ANO4: variants seen among roughly 807,000 people sequenced by gnomAD.
The protein encoded by ANO4 is anoctamin 4.
In ANO4, 69 loss-of-function variants were observed where a neutral mutation model predicts 141.9. The observed-to-expected ratio is 0.49, with a 90% CI of 0.40 to 0.59. The LOEUF (loss-of-function observed/expected upper bound fraction) is 0.59, where lower values mean the gene tolerates loss of function less well. Ranked by LOEUF, ANO4 falls within the 20% of genes least tolerant of loss-of-function variation. The probability of loss-of-function intolerance (pLI) is 0.00; values close to 1 mark genes in which losing one functional copy is unlikely to be tolerated. For synonymous variants in ANO4, 350 were observed against 394.3 expected (o/e 0.89, Z 1.33); for missense variants, 894 against 1,162.2 (o/e 0.77, Z 3.36).
chr12:100,865,598 A>G (rs1040248664), intron 1 of ANO4, among the ~76,000 whole-genome samples: 2 of 152,232 alleles, frequency 1.3e-5, no homozygotes, highest in African/African-American at 4.8e-5. Context: ...AATCAAAAGC[A>G]CAATGAGATA....
chr12:100,792,569 T>C (rs2034082816), upstream of ANO4, among the ~76,000 whole-genome samples: 1 of 152,248 alleles, frequency 6.6e-6, no homozygotes, highest in Non-Finnish European at 1.5e-5. Context: ...TCTGTCATTT[T>C]TTTAGTAGAG....
At chr12:100,778,849 G>A (rs1052464602) in intron 3 of ANO4, among the ~76,000 whole-genome samples, 1 of 152,136 alleles carries the variant, frequency 6.6e-6, no homozygotes. Context: ...CATTAGCATC[G>A]TATTAAAGTT....
chr12:100,824,256 A>T (rs1290370114), intron 1 of ANO4, among the ~76,000 whole-genome samples: 1 of 151,986 alleles, frequency 6.6e-6, no homozygotes, highest in Non-Finnish European at 1.5e-5. Context: ...CAAGTCTCAC[A>T]CTTCTCATTT....
intron 24 of ANO4, among the ~76,000 whole-genome samples, chr12:101,116,337 G>A (rs2050849177): frequency 6.6e-6 from 1 of 152,190 alleles, no homozygotes; most frequent in South Asian, 2.1e-4. Flanking sequence ...ATGAGGAACT[G>A]TGTTTATGTG....
intron 3 of ANO4, among the ~76,000 whole-genome samples, chr12:100,757,207 G>A (rs1369103704): frequency 2.6e-5 from 4 of 152,296 alleles, no homozygotes; most frequent in Non-Finnish European, 5.9e-5. Flanking sequence ...TAAGCCTGTT[G>A]AGTCTATCTC....
chr12:100,941,957 A>ATT (rs1555257092), intron 4 of ANO4, among the ~76,000 whole-genome samples: 9 of 143,150 alleles, frequency 6.3e-5, no homozygotes, highest in Middle Eastern at 3.6e-3. Flanking sequence ...CAATGAAAAA[A>ATT]ATTATTATTA....
intron 14 of ANO4, among the ~76,000 whole-genome samples, chr12:101,070,117 A>C (rs912381624): frequency 6.6e-6 from 1 of 152,200 alleles, no homozygotes; most frequent in Non-Finnish European, 1.5e-5. Flanking sequence ...ATTCAATGCA[A>C]TCCCTATAAA....
chr12:100,899,418 C>T (rs777842069), intron 1 of ANO4, among the ~76,000 whole-genome samples: 9 of 152,240 alleles, frequency 5.9e-5, no homozygotes, highest in Admixed American at 2.6e-4. Context: ...ATAGGTTATC[C>T]GGTGAGCACT....
chr12:101,065,557 C>T (rs1319138821), intron 14 of ANO4, among the ~76,000 whole-genome samples: 1 of 152,056 alleles, frequency 6.6e-6, no homozygotes, highest in East Asian at 1.9e-4. Flanking sequence ...CAAGATTGAA[C>T]CATGAGGAAT....
chr12:100,917,865 A>T (rs1365416179), intron 2 of ANO4, among the ~76,000 whole-genome samples: 1 of 152,214 alleles, frequency 6.6e-6, no homozygotes, highest in Non-Finnish European at 1.5e-5. Flanking sequence ...TATACATTTT[A>T]AAAAATTACA....
chr12:101,049,931 A>T (rs1191707523), intron 14 of ANO4, among the ~76,000 whole-genome samples: 1 of 152,182 alleles, frequency 6.6e-6, no homozygotes. Flanking sequence ...TGGTAGGGCC[A>T]CCCAGATTCT....
chr12:101,118,216 A>C (rs2050933416), intron 25 of ANO4, among the ~76,000 whole-genome samples: 1 of 152,194 alleles, frequency 6.6e-6, no homozygotes, highest in South Asian at 2.1e-4. Context: ...ATAAAATGCC[A>C]ACTATTATTT....
At chr12:101,099,783 TA>T (rs1478832040) in intron 22 of ANO4, 63 bp downstream of exon 22, 2 of 1,344,972 alleles carry the variant, frequency 1.5e-6, no homozygotes, top group African/African-American at 3.0e-5. Flanking sequence ...TATATTCAAC[TA>T]AACATATACC....
intron 1 of ANO4, among the ~76,000 whole-genome samples, chr12:100,890,450 G>A (rs920907928): frequency 6.6e-6 from 1 of 152,194 alleles, no homozygotes; most frequent in African/African-American, 2.4e-5. Flanking sequence ...CTATTTTTAA[G>A]TAGTAAGAAA....
At chr12:100,982,378 G>T (rs952482829) in intron 7 of ANO4, among the ~76,000 whole-genome samples, 1 of 152,172 alleles carries the variant, frequency 6.6e-6, no homozygotes, top group South Asian at 2.1e-4. Flanking sequence ...GACAAATGGG[G>T]TGCTTTCTGG....
chr12:100,887,832 A>AAT (rs1256055734), intron 1 of ANO4, among the ~76,000 whole-genome samples: 1 of 152,190 alleles, frequency 6.6e-6, no homozygotes, highest in Non-Finnish European at 1.5e-5. Flanking sequence ...CACATCCTTA[A>AAT]ATATCACTTG....
intron 21 of ANO4, among the ~76,000 whole-genome samples, chr12:101,098,156 G>A (rs892464918): frequency 2.0e-5 from 3 of 152,138 alleles, no homozygotes; most frequent in African/African-American, 7.2e-5. Context: ...ATGAACAAAC[G>A]TGAATATTCT....
chr12:100,724,186 G>A (rs530313796), intron 1 of ANO4, among the ~76,000 whole-genome samples: 1 of 152,302 alleles, frequency 6.6e-6, no homozygotes, highest in East Asian at 1.9e-4. Context: ...TCTAATTAGG[G>A]TTCATGAAAG....
rs117479248 is a variant in ANO4 at position 100,744,146 on chromosome 12, T to C, written c.358+4041T>C. 6.2e-4 allele frequency among the ~76,000 whole-genome samples: 94 copies of C among 152,350 alleles called. No homozygotes were observed. The East Asian group carries it at 0.017, about 28-fold the overall frequency. On this transcript the variant is annotated intron_variant, in intron 3 of 29. Coordinates refer to the ANO4 transcript ENST00000644049. Reference sequence around the variant, plus strand: ...TGTATTTATAAGTGCCTACTGGAACTTTCAACCCGGATATATCCCATACTA... The same window carrying C: ...TGTATTTATAAGTGCCTACTGGAACCTTCAACCCGGATATATCCCATACTA...
Sources: allele counts gnomAD v4.1 joint callset (sites outside exome capture counted in the v4.1 genomes callset), GRCh38; gene constraint gnomAD v4.1.1; transcripts MANE v1.5; gene names NCBI Gene and HGNC (gene_info 2026-07-23, HGNC 2026-07-21).